The following CADM3 variants were observed in gnomAD, a reference collection of about 807,000 sequenced individuals.
CADM3 encodes the protein TSLC1-like 1.
A neutral mutation model predicts 44.9 loss-of-function variants in CADM3; 11 were observed. The ratio of observed to expected loss-of-function variants is 0.25; its 90% confidence interval spans 0.15 to 0.41. The LOEUF (loss-of-function observed/expected upper bound fraction) is 0.41. Ranked by LOEUF, CADM3 falls within the 10% of genes least tolerant of loss-of-function variation. The pLI, the probability that CADM3 is intolerant of heterozygous loss-of-function variation, is 1.00. For synonymous variants in CADM3, 207 were observed against 205.2 expected (o/e 1.01, Z -0.08); for missense variants, 426 against 512.0 (o/e 0.83, Z 1.62).
intron 1 of CADM3, among the ~76,000 whole-genome samples, chr1:159,179,518 C>T (rs1260835077): frequency 6.6e-6 from 1 of 152,184 alleles, no homozygotes; most frequent in African/African-American, 2.4e-5. Context: ...GTAGGCTAGC[C>T]ATTATTCATT....
rs1423137977 is a variant in CADM3 at position 159,201,045 on chromosome 1, A to AC, written c.*129dup. The AC allele has an allele frequency of 6.7e-6, 1 of 150,328 alleles. No individual in the cohort carries two copies. Among genetic ancestry groups the AC allele is most frequent in the South Asian group, 6.6e-5 (1 of 15,228 alleles). The allele number at this position is 150,328 out of a possible 1,614,324, so 9.3% of individuals were successfully genotyped here. A position where few individuals can be genotyped will look rare whatever the true frequency, so the allele number is the denominator to read the frequency against. On this transcript the variant is annotated 3_prime_UTR_variant, in exon 9 of 9. Coordinates refer to ENST00000368125, the MANE Select transcript of CADM3 (RefSeq NM_001127173.3). Reference sequence around the variant, plus strand: ...CTCCCGCTTGCTCCCCAGCCCACCCACCCCCCTGTACAGAATGTCTGCTTT... The same window carrying AC: ...CTCCCGCTTGCTCCCCAGCCCACCCACCCCCCCTGTACAGAATGTCTGCTTT...
rs1335602698 is a variant in CADM3, at chr1:159,171,849, G to A, written c.84G>A (p.Gln28=). 1 of 1,243,076 alleles carries A rather than the reference G, an allele frequency of 8.0e-7. No individual in the cohort carries two copies. The highest frequency in any genetic ancestry group is 1.5e-5 in the African/African-American group (1 of 64,752). The allele number at this position is 1,243,076 out of a possible 1,614,324, so 77.0% of individuals were successfully genotyped here. A position where few individuals can be genotyped will look rare whatever the true frequency, so the allele number is the denominator to read the frequency against. Residue 28 remains glutamine, a synonymous_variant, in exon 1 of 9, where the codon CAG becomes CAA. Transcript: ENST00000368125. ...CGCCCGGCGGGGCCAACCTCTCCCA[G>A]GACGGTGAGTGAGGGAGGGGGCGGC... The part of the protein sequence containing the change: ...CWAPGGANLS[Q]DDSQPWTSDE...
At chr1:159,186,415 G>T (rs1435954123) in intron 1 of CADM3, among the ~76,000 whole-genome samples, 1 of 152,102 alleles carries the variant, frequency 6.6e-6, no homozygotes, top group Non-Finnish European at 1.5e-5. Context: ...CTCACTAATG[G>T]TTGTATGGTC....
chr1:159,172,380 C>T (rs1012733147), intron 1 of CADM3, among the ~76,000 whole-genome samples: 2 of 152,140 alleles, frequency 1.3e-5, no homozygotes, highest in Non-Finnish European at 2.9e-5. Context: ...CCCCCACCAC[C>T]CGCGGCGCAG....
chr1:159,181,481 C>A (rs1276403384), intron 1 of CADM3, among the ~76,000 whole-genome samples: 1 of 152,136 alleles, frequency 6.6e-6, no homozygotes, highest in Non-Finnish European at 1.5e-5. Context: ...ACAGTCAGTA[C>A]CTGCACAGAA....
rs536455865 is a variant in CADM3 at position 159,199,970 on chromosome 1, C to T, written c.1078+94C>T. 4 of 1,455,314 alleles carry T rather than the reference C, an allele frequency of 2.7e-6. No individual in the cohort carries two copies. The South Asian group carries it at 4.9e-5, about 18-fold the overall frequency. The allele number at this position is 1,455,314 out of a possible 1,614,324, so 90.2% of individuals were successfully genotyped here. A position where few individuals can be genotyped will look rare whatever the true frequency, so the allele number is the denominator to read the frequency against. Reference sequence around the variant, plus strand: ...AGGAGAAGCAGACAGTGGAAAGGGCCTTCAGAGACTTGTCAGCCCTTTGGA... The same window carrying T: ...AGGAGAAGCAGACAGTGGAAAGGGCTTTCAGAGACTTGTCAGCCCTTTGGA... On this transcript the variant is annotated intron_variant, in intron 8 of 8. Transcript: ENST00000368125.
At chr1:159,186,040 A>G (rs1649405264) in intron 1 of CADM3, among the ~76,000 whole-genome samples, 1 of 152,234 alleles carries the variant, frequency 6.6e-6, no homozygotes, top group Non-Finnish European at 1.5e-5. Context: ...ACTTCTGGAA[A>G]GATATGCCAC....
chr1:159,177,557 T>G (rs1649071643), intron 1 of CADM3, among the ~76,000 whole-genome samples: 1 of 152,114 alleles, frequency 6.6e-6, no homozygotes, highest in Non-Finnish European at 1.5e-5. Context: ...TTCTCCACAG[T>G]GCAGTCCCCA....
rs1650247706 is a variant in CADM3 at position 159,202,167 on chromosome 1, GT to G, written c.*1246del. On this transcript the variant is annotated 3_prime_UTR_variant, in exon 9 of 9. Coordinates refer to ENST00000368125, the MANE Select transcript of CADM3 (RefSeq NM_001127173.3). ...TGAGGAGGAGGGCTAAGAGCCAGGG[GT>G]CCTGGGCAAGTGGACAGGGCTGTGG... 6.5e-6 allele frequency: 1 copy of G among 153,788 alleles called. No homozygotes were observed. The highest frequency in any genetic ancestry group is 1.5e-5 in the Non-Finnish European group (1 of 68,952). 9.5% of individuals were successfully genotyped at this position (153,788 alleles called of 1,614,324 possible).
rs1345060259 is a variant in CADM3 at position 159,196,472 on chromosome 1, C to T, written c.782+18C>T. The T allele has an allele frequency of 6.2e-7, 1 of 1,601,236 alleles. No homozygotes were observed. The highest frequency in any genetic ancestry group is 8.6e-7 in the Non-Finnish European group (1 of 1,169,074). On this transcript the variant is annotated intron_variant, in intron 6 of 8. Transcript: ENST00000368125. Reference sequence around the variant, plus strand: ...AATCCAGTGTAAGAAGATCCATTTCCTGGTCTCCTCCTTACTCTCCACATT... The same window carrying T: ...AATCCAGTGTAAGAAGATCCATTTCTTGGTCTCCTCCTTACTCTCCACATT...
chr1:159,184,612 G>C (rs947738809), intron 1 of CADM3, among the ~76,000 whole-genome samples: 4 of 152,200 alleles, frequency 2.6e-5, no homozygotes, highest in Non-Finnish European at 4.4e-5. Flanking sequence ...GTTTATGGCT[G>C]TAAGGCCAAT....
At chr1:159,182,166 CTCT>C (rs970924098) in intron 1 of CADM3, among the ~76,000 whole-genome samples, 1 of 152,130 alleles carries the variant, frequency 6.6e-6, no homozygotes, top group Non-Finnish European at 1.5e-5. Context: ...GCCCAATGGC[CTCT>C]TCTTCTGTGT....
intron 1 of CADM3, among the ~76,000 whole-genome samples, chr1:159,182,499 A>C (rs1649273714): frequency 6.6e-6 from 1 of 152,084 alleles, no homozygotes; most frequent in Non-Finnish European, 1.5e-5. Context: ...AAGTTCCTAA[A>C]CCTCTCTGAG....
chr1:159,196,882 C>T lies in CADM3; in HGVS notation c.783-9C>T, dbSNP rs1256837253. 6.2e-7 allele frequency: 1 copy of T among 1,612,970 alleles called. No homozygotes were observed. The highest frequency in any genetic ancestry group is 1.3e-5 in the African/African-American group (1 of 74,836). ...CTCCTGAGCTCTTCTGATTTGTCTG[C>T]CTCGACAGCCCCCAGCAGTACCTAT... On this transcript the variant is annotated splice_polypyrimidine_tract_variant and intron_variant, in intron 6 of 8. Transcript: ENST00000368125.
In CADM3 at chr1:159,196,919, G is replaced by A. The variant is rs1026710918; in HGVS notation, c.811G>A (p.Gly271Ser). Reference protein sequence around the residue: ...VPQQYLWEKEGSVPPLKMTQE... With the variant: ...VPQQYLWEKESSVPPLKMTQE... ...CCAGCAGTACCTATGGGAGAAGGAGGGCAGTGTGCCACCCCTGAAGATGAC... is the reference window on the plus strand; with the variant it reads ...CCAGCAGTACCTATGGGAGAAGGAGAGCAGTGTGCCACCCCTGAAGATGAC... Residue 271 changes from glycine to serine, a missense_variant, in exon 7 of 9, where the codon GGC (glycine) becomes AGC (serine). Coordinates refer to ENST00000368125, the MANE Select transcript of CADM3 (RefSeq NM_001127173.3). 6.8e-6 allele frequency: 11 copies of A among 1,614,022 alleles called. No homozygotes were observed. The Middle Eastern group carries it at 8.2e-4, about 121-fold the overall frequency.
chr1:159,192,879 G>A (rs1053803446), intron 3 of CADM3, 149 bp downstream of exon 3: 17 of 764,522 alleles, frequency 2.2e-5, no homozygotes, highest in Non-Finnish European at 2.1e-5. Flanking sequence ...GGGATAAAAT[G>A]TAAAAAGAAA....
At chr1:159,187,264 G>T (rs1649454708) in intron 1 of CADM3, among the ~76,000 whole-genome samples, 1 of 152,194 alleles carries the variant, frequency 6.6e-6, no homozygotes, top group South Asian at 2.1e-4. Context: ...CCCACTAGGG[G>T]CTAAGTGCTA....
chr1:159,186,673 G>A (rs1385484800), intron 1 of CADM3, among the ~76,000 whole-genome samples: 1 of 152,188 alleles, frequency 6.6e-6, no homozygotes, highest in Non-Finnish European at 1.5e-5. Context: ...CTGGGGAGTG[G>A]CCATTCGGAA....
At chr1:159,197,146 C>T (rs746381008) in intron 7 of CADM3, 86 bp downstream of exon 7, 4 of 1,428,744 alleles carry the variant, frequency 2.8e-6, no homozygotes, top group Non-Finnish European at 3.9e-6. Flanking sequence ...TGATAACATC[C>T]CCAAACTGTG....
Sources: allele counts gnomAD v4.1 joint callset (sites outside exome capture counted in the v4.1 genomes callset), GRCh38; gene constraint gnomAD v4.1.1; transcripts MANE v1.5; gene names NCBI Gene and HGNC (gene_info 2026-07-23, HGNC 2026-07-21).